RABGAP1L: variants seen among roughly 807,000 people sequenced by gnomAD.
RABGAP1L encodes the protein rab GTPase-activating protein 1-like.
In RABGAP1L, 63 loss-of-function variants were observed where a neutral mutation model predicts 137.7. The observed-to-expected ratio is 0.46, with a 90% CI of 0.37 to 0.56. The LOEUF (loss-of-function observed/expected upper bound fraction) is 0.56, where lower values mean the gene tolerates loss of function less well. Among genes scored for constraint, RABGAP1L ranks in the 20% least tolerant of loss-of-function variants. The probability of loss-of-function intolerance (pLI) is 0.00; values close to 1 mark genes in which losing one functional copy is unlikely to be tolerated. For synonymous variants in RABGAP1L, 431 were observed against 433.7 expected, an observed-to-expected ratio of 0.99 and a Z score of 0.08; for missense variants, 1,095 against 1,244.0, an observed-to-expected ratio of 0.88 and a Z score of 1.80.
At chr1:174,680,062 A>T (rs1413552554) in intron 14 of RABGAP1L, among the ~76,000 whole-genome samples, 1 of 152,240 alleles carries the variant, frequency 6.6e-6, no homozygotes, top group Non-Finnish European at 1.5e-5. Flanking sequence ...GACAAAAACT[A>T]TTAAACTGAA....
chr1:174,777,597 G>A (rs1465490056), intron 18 of RABGAP1L, among the ~76,000 whole-genome samples: 1 of 152,024 alleles, frequency 6.6e-6, no homozygotes, highest in Non-Finnish European at 1.5e-5. Context: ...TCAATCATTC[G>A]AAATCACTCT....
intron 18 of RABGAP1L, chr1:174,800,067 A>G (rs1216223339): frequency 2.4e-6 from 3 of 1,270,296 alleles, no homozygotes; most frequent in African/African-American, 3.1e-5. Context: ...ACTCTTGGCC[A>G]TTTTCTCGCA....
intron 13 of RABGAP1L, among the ~76,000 whole-genome samples, chr1:174,527,598 A>G (rs531294579): frequency 1.2e-4 from 19 of 152,186 alleles, no homozygotes; most frequent in Admixed American, 7.2e-4. Flanking sequence ...GATGAAAATA[A>G]TGTCTATTCT....
At chr1:174,292,143 G>A (rs1239408045) in intron 10 of RABGAP1L, among the ~76,000 whole-genome samples, 5 of 149,948 alleles carry the variant, frequency 3.3e-5, no homozygotes, top group Non-Finnish European at 7.4e-5. Context: ...GCTCAAGCGA[G>A]TCTCCCATCT....
chr1:174,539,816 G>T (rs907741718), intron 13 of RABGAP1L, among the ~76,000 whole-genome samples: 12 of 152,182 alleles, frequency 7.9e-5, no homozygotes, highest in African/African-American at 2.9e-4. Context: ...CCAGTAATGG[G>T]ATGTCTGGGT....
intron 12 of RABGAP1L, among the ~76,000 whole-genome samples, chr1:174,375,706 A>G (rs371977972): frequency 6.6e-6 from 1 of 152,212 alleles, no homozygotes. Flanking sequence ...TTGAATTCAT[A>G]GTTTAAAAGT....
At chr1:174,626,390 G>A (rs1672945757) in intron 13 of RABGAP1L, among the ~76,000 whole-genome samples, 1 of 152,148 alleles carries the variant, frequency 6.6e-6, no homozygotes, top group Admixed American at 6.5e-5. Flanking sequence ...TCAAGAACAA[G>A]GTACACATCA....
At chr1:174,283,582 C>T (rs540966762) in intron 10 of RABGAP1L, among the ~76,000 whole-genome samples, 1 of 151,990 alleles carries the variant, frequency 6.6e-6, no homozygotes, top group African/African-American at 2.4e-5. Flanking sequence ...TCCCAGCTCA[C>T]TGCAACCTCT....
intron 13 of RABGAP1L, among the ~76,000 whole-genome samples, chr1:174,440,794 T>TTGATCTGCCCGCCTGGGCCTTCAA (rs1654040613): frequency 6.6e-6 from 1 of 152,072 alleles, no homozygotes. Flanking sequence ...TGACCTCAAG[T>TTGATCTGCCCGCCTGGGCCTTCAA]TGATCTGCCC....
intron 13 of RABGAP1L, among the ~76,000 whole-genome samples, chr1:174,447,721 T>G (rs1330992475): frequency 6.6e-6 from 1 of 152,162 alleles, no homozygotes; most frequent in Non-Finnish European, 1.5e-5. Context: ...GCAATTCATT[T>G]TTTTTCTTTT....
intron 13 of RABGAP1L, among the ~76,000 whole-genome samples, chr1:174,417,149 C>T (rs1650691843): frequency 6.6e-6 from 1 of 152,170 alleles, no homozygotes; most frequent in African/African-American, 2.4e-5. Context: ...TCAGTGAAGA[C>T]TGGAATTTTA....
rs537039315 is a variant in RABGAP1L at position 174,777,046 on chromosome 1, T to C, written c.2211+24692T>C. Among the ~76,000 whole-genome samples the C allele has an allele frequency of 2.6e-5, 4 of 152,308 alleles. No individual in the cohort carries two copies. The South Asian group carries it at 8.3e-4, about 32-fold the overall frequency. On this transcript the variant is annotated intron_variant, in intron 18 of 25. Coordinates refer to ENST00000681986, the MANE Select transcript of RABGAP1L (RefSeq NM_001366446.1). ...GACATGACATAAAAAGGATCATTAG[T>C]TTTCCAGACTGCAATATTGGTTTTT...
intron 11 of RABGAP1L, among the ~76,000 whole-genome samples, chr1:174,349,044 CG>C (rs551877098): frequency 0.23 from 23,647 of 102,644 alleles, 1,525 homozygotes; most frequent in Middle Eastern, 0.26. Context: ...GCTGGCCGGG[CG>C]GGGGGGGGGC....
At chr1:174,813,405 C>T (rs1187675647) in intron 19 of RABGAP1L, among the ~76,000 whole-genome samples, 2 of 152,156 alleles carry the variant, frequency 1.3e-5, no homozygotes, top group Non-Finnish European at 2.9e-5. Flanking sequence ...AGATAAGAGT[C>T]ACCATCAACT....
At chr1:174,332,647 C>T (rs887473686) in intron 11 of RABGAP1L, among the ~76,000 whole-genome samples, 2 of 152,218 alleles carry the variant, frequency 1.3e-5, no homozygotes, top group East Asian at 1.9e-4. Context: ...TCACCCTCCT[C>T]GGCCTTCCAA....
chr1:174,618,742 C>T (rs1255974229), intron 13 of RABGAP1L, among the ~76,000 whole-genome samples: 2 of 152,182 alleles, frequency 1.3e-5, no homozygotes, highest in South Asian at 2.1e-4. Flanking sequence ...TGCCTCTCCT[C>T]CTCCAAAAAC....
chr1:174,572,419 C>T (rs974231138), intron 13 of RABGAP1L, among the ~76,000 whole-genome samples: 1 of 152,110 alleles, frequency 6.6e-6, no homozygotes, highest in Non-Finnish European at 1.5e-5. Context: ...GAGTCTTGCT[C>T]AGTCACCCCA....
intron 19 of RABGAP1L, among the ~76,000 whole-genome samples, chr1:174,835,184 A>T (rs765855903): frequency 6.6e-6 from 1 of 152,198 alleles, no homozygotes; most frequent in African/African-American, 2.4e-5. Flanking sequence ...CTGCTTGTCC[A>T]AAAGTCTTTT....
intron 18 of RABGAP1L, among the ~76,000 whole-genome samples, chr1:174,799,052 G>T (rs1165009922): frequency 2.6e-5 from 4 of 152,088 alleles, no homozygotes; most frequent in Non-Finnish European, 4.4e-5. Context: ...TCAGAACAAT[G>T]TTTTCAACTA....
Sources: gnomAD v4.1 joint callset for allele counts (sites outside exome capture counted in the v4.1 genomes callset) on GRCh38, gnomAD v4.1.1 for gene constraint, MANE v1.5 for transcripts, NCBI Gene and HGNC (gene_info 2026-07-23, HGNC 2026-07-21) for gene names.